The following NEDD4 variants were observed in gnomAD, a reference collection of about 807,000 sequenced individuals.
NEDD4 encodes the protein E3 ubiquitin-protein ligase NEDD4.
Under a neutral mutation model 144.9 loss-of-function variants are expected in NEDD4, and 99 were observed. That is an observed-to-expected ratio of 0.68 (90% CI 0.58 to 0.81). NEDD4 has a LOEUF of 0.81. NEDD4 is among the 30% of genes least tolerant of loss of function. NEDD4 has a pLI of 0.00. For synonymous variants in NEDD4, 318 were observed against 350.6 expected (o/e 0.91, Z 1.04); for missense variants, 985 against 1,065.9 (o/e 0.92, Z 1.06).
At chr15:55,958,256 A>G (rs1213479347) in intron 2 of NEDD4, among the ~76,000 whole-genome samples, 3 of 152,316 alleles carry the variant, frequency 2.0e-5, no homozygotes, top group African/African-American at 7.2e-5. Context: ...CATTTTGTCA[A>G]AGGCACATTC....
rs191606216 is a variant in NEDD4, at chr15:55,935,379, G to A, written c.238-10680C>T. Among the ~76,000 whole-genome samples the A allele has an allele frequency of 4.3e-3, 655 of 152,136 alleles. 5 individuals carry two copies. The highest frequency in any genetic ancestry group is 6.6e-3 in the Non-Finnish European group (449 of 68,000). On this transcript the variant is annotated intron_variant, in intron 4 of 28. Transcript: ENST00000435532. ...AAATATTGGGTGACTATGTCTGTCAGGGATAGACAGCAACTCCTCTCTCCC... is the reference window on the plus strand; with the variant it reads ...AAATATTGGGTGACTATGTCTGTCAAGGATAGACAGCAACTCCTCTCTCCC...
At chr15:55,967,731 TA>T (rs2037540234) in intron 1 of NEDD4, among the ~76,000 whole-genome samples, 1 of 152,120 alleles carries the variant, frequency 6.6e-6, no homozygotes, top group Admixed American at 6.5e-5. Flanking sequence ...GATAACATTA[TA>T]AAATATTGCC....
At chr15:55,975,901 A>C in intron 1 of NEDD4, among the ~76,000 whole-genome samples, 1 of 152,220 alleles carries the variant, frequency 6.6e-6, no homozygotes, top group East Asian at 1.9e-4. Context: ...TATAGTATCC[A>C]ACACAACATG....
chr15:55,940,525 TCTCTCTCTCTCTCTCTCTCTGC>T, intron 4 of NEDD4, among the ~76,000 whole-genome samples: 1 of 123,626 alleles, frequency 8.1e-6, no homozygotes, highest in African/African-American at 2.9e-5. Flanking sequence ...CCCTTCTCTC[TCTCTCTCTCTCTCTCTCTCTGC>T]CTCTCTGCCT....
At chr15:55,952,054 C>T (rs762253276) in intron 2 of NEDD4, among the ~76,000 whole-genome samples, 6 of 151,176 alleles carry the variant, frequency 4.0e-5, no homozygotes, top group Non-Finnish European at 8.8e-5. Context: ...TGTGGCCGCG[C>T]ACGGTGGCTC....
At chr15:55,890,889 A>G (rs963989771) in intron 5 of NEDD4, among the ~76,000 whole-genome samples, 6 of 152,174 alleles carry the variant, frequency 3.9e-5, no homozygotes, top group Non-Finnish European at 5.9e-5. Context: ...CTGGCAGCCA[A>G]TGAGATTGAG....
intron 1 of NEDD4, among the ~76,000 whole-genome samples, chr15:55,985,016 G>C (rs2037867219): frequency 6.6e-6 from 1 of 152,202 alleles, no homozygotes; most frequent in Admixed American, 6.5e-5. Flanking sequence ...GGGGATGGGA[G>C]AATCAGCAGA....
chr15:55,856,400 C>T (rs887706446), intron 11 of NEDD4, among the ~76,000 whole-genome samples: 7 of 152,152 alleles, frequency 4.6e-5, no homozygotes, highest in African/African-American at 1.2e-4. Flanking sequence ...CCATGCCCCC[C>T]GTGCTGGACT....
intron 8 of NEDD4, among the ~76,000 whole-genome samples, chr15:55,868,645 T>C (rs961570798): frequency 1.5e-4 from 23 of 152,288 alleles, no homozygotes; most frequent in African/African-American, 5.5e-4. Context: ...TCCCCAGCCA[T>C]GTGGAACTGA....
At chr15:55,976,866 C>T (rs367987874) in intron 1 of NEDD4, among the ~76,000 whole-genome samples, 49 of 152,244 alleles carry the variant, frequency 3.2e-4, no homozygotes, top group African/African-American at 1.2e-3. Context: ...ATCTCCTGAC[C>T]TCCTGATCCA....
intron 4 of NEDD4, among the ~76,000 whole-genome samples, chr15:55,935,844 T>TTAAAA (rs2036878880): frequency 1.2e-5 from 1 of 80,166 alleles, no homozygotes; most frequent in Non-Finnish European, 2.7e-5. Context: ...AGACTCTGTT[T>TTAAAA]CAAAAAAAAA....
chr15:55,828,359 T>C lies in NEDD4; in HGVS notation c.*1538A>G, dbSNP rs2032788305. 6.6e-6 allele frequency: 1 copy of C among 152,184 alleles called. No individual in the cohort carries two copies. The highest frequency in any genetic ancestry group is 1.5e-5 in the Non-Finnish European group (1 of 68,034). 9.4% of individuals were successfully genotyped at this position (152,184 alleles called of 1,614,324 possible). On this transcript the variant is annotated 3_prime_UTR_variant, in exon 29 of 29. Transcript: ENST00000435532. ...TTATTCCTAAATCACCAAGATACCA[T>C]ACTGAGAAATAGGTTTAATCTTTTT...
chr15:55,958,124 A>G (rs1030068109), intron 2 of NEDD4, among the ~76,000 whole-genome samples: 16 of 149,276 alleles, frequency 1.1e-4, no homozygotes, highest in Admixed American at 1.3e-4. Context: ...ATAATAAAAA[A>G]AAGATGACTG....
At chr15:55,990,866 T>C (rs1178277437) in intron 1 of NEDD4, among the ~76,000 whole-genome samples, 1 of 152,214 alleles carries the variant, frequency 6.6e-6, no homozygotes, top group Non-Finnish European at 1.5e-5. Flanking sequence ...TGGTATAAAT[T>C]ATACTACACT....
intron 1 of NEDD4, among the ~76,000 whole-genome samples, chr15:55,982,139 G>C (rs368192257): frequency 2.1e-4 from 32 of 152,288 alleles, no homozygotes; most frequent in African/African-American, 7.7e-4. Flanking sequence ...CTGAAACAAT[G>C]TGCAGCAACT....
intron 1 of NEDD4, among the ~76,000 whole-genome samples, chr15:55,984,351 C>G (rs1488952062): frequency 2.0e-5 from 3 of 152,154 alleles, no homozygotes; most frequent in Admixed American, 6.5e-5. Context: ...TTGAACAAAT[C>G]AGAATCTCAT....
intron 5 of NEDD4, among the ~76,000 whole-genome samples, chr15:55,904,297 C>T (rs1409394361): frequency 6.6e-6 from 1 of 151,904 alleles, no homozygotes; most frequent in Non-Finnish European, 1.5e-5. Flanking sequence ...TTTCCATACA[C>T]CTTTTATTTT....
chr15:55,919,914 T>A (rs2036538371), intron 5 of NEDD4, among the ~76,000 whole-genome samples: 2 of 152,206 alleles, frequency 1.3e-5, no homozygotes, highest in African/African-American at 4.8e-5. Context: ...TGGTACCCAC[T>A]TGTTTGGTCA....
chr15:55,910,702 C>T (rs2036244271), intron 5 of NEDD4, among the ~76,000 whole-genome samples: 1 of 152,178 alleles, frequency 6.6e-6, no homozygotes, highest in African/African-American at 2.4e-5. Context: ...GAAAACAGCA[C>T]TATCAGGGCA....
Sources: gnomAD v4.1 joint callset for allele counts (sites outside exome capture counted in the v4.1 genomes callset) on GRCh38, gnomAD v4.1.1 for gene constraint, MANE v1.5 for transcripts, NCBI Gene and HGNC (gene_info 2026-07-23, HGNC 2026-07-21) for gene names.